The following PDPK1 variants were observed in gnomAD, a reference collection of about 807,000 sequenced individuals.
PDPK1 encodes 3-phosphoinositide dependent protein kinase 1.
PDPK1 carries 7 observed loss-of-function variants against 39.8 expected under a neutral mutation model. That is an observed-to-expected ratio of 0.18 (90% confidence interval 0.10 to 0.33). PDPK1 has a LOEUF of 0.33. Ranked by LOEUF, PDPK1 falls within the 10% of genes least tolerant of loss-of-function variation. The pLI is 1.00. For missense variants in PDPK1, 182 were observed against 384.7 expected, an observed-to-expected ratio of 0.47 and a Z score of 4.41; for synonymous variants, 118 against 159.1, an observed-to-expected ratio of 0.74 and a Z score of 1.95.
intron 11 of PDPK1, among the ~76,000 whole-genome samples, chr16:2,592,226 G>A (rs1336046057): frequency 6.6e-6 from 1 of 152,202 alleles, no homozygotes; most frequent in African/African-American, 2.4e-5. Flanking sequence ...CGGGAAAGGG[G>A]GTTTTCTATG....
Position 2,601,421 on chromosome 16 carries a change from T to C in PDPK1, c.*3654T>C. The stretch of plus-strand genomic sequence containing the variant: ...TTGCAAGAACCTGGCTCTGCCTGCA[T>C]GTCAGCTCTCTGCCCTCCCTGCTGC... On this transcript the variant is annotated 3_prime_UTR_variant, in exon 14 of 14. Coordinates refer to ENST00000342085, the MANE Select transcript of PDPK1 (RefSeq NM_002613.5). 4.3e-6 allele frequency: 1 copy of C among 234,686 alleles called. No homozygotes were observed. The highest frequency in any genetic ancestry group is 6.0e-5 in the East Asian group (1 of 16,582). 14.5% of individuals were successfully genotyped at this position (234,686 alleles called of 1,614,324 possible).
chr16:2,592,257 CT>C (rs1268634203), intron 11 of PDPK1, among the ~76,000 whole-genome samples: 2 of 152,180 alleles, frequency 1.3e-5, no homozygotes, highest in Non-Finnish European at 2.9e-5. Context: ...GTGGATTGCC[CT>C]GCATCCTCCT....
At position 2,598,390 on chromosome 16, in the gene PDPK1, C is replaced by T. The variant is rs1274957286; in HGVS notation, c.*623C>T. ...CTCTGGTGGCAGCTTTCTGTGGCCC[C>T]TGCTGTGTTGGCAGGCAGGTTTGCG... On this transcript the variant is annotated 3_prime_UTR_variant, in exon 14 of 14. Coordinates refer to ENST00000342085, the MANE Select transcript of PDPK1 (RefSeq NM_002613.5). The T allele has an allele frequency of 2.1e-5, 5 of 234,286 alleles. No individual in the cohort carries two copies. The highest frequency in any genetic ancestry group is 5.6e-5 in the Admixed American group (1 of 17,814). 14.5% of individuals were successfully genotyped at this position (234,286 alleles called of 1,614,324 possible). A position where few individuals can be genotyped will look rare whatever the true frequency, so the allele number is the denominator to read the frequency against.
At chr16:2,546,276 G>T (rs1441607086) in intron 1 of PDPK1, among the ~76,000 whole-genome samples, 3 of 151,632 alleles carry the variant, frequency 2.0e-5, no homozygotes, top group Non-Finnish European at 4.4e-5. Flanking sequence ...TAGAGACGGG[G>T]TTTCACCATC....
chr16:2,586,751 G>C lies in PDPK1; in HGVS notation c.1201G>C (p.Asp401His). The stretch of plus-strand genomic sequence containing the variant: ...CTCCTCACACTCCCTGTCAGCCTCC[G>C]ACACGGGCCTGCCCCAGAGGTCAGG... ...SSSSHSLSAS[D>H]TGLPQRSGSN... The change falls in exon 11 of 14, where the codon GAC (aspartate) becomes CAC (histidine). Residue 401 changes from aspartate to histidine, a missense_variant. This residue lies in a region of PDPK1 where 90 missense variants were observed against 111.9 expected (regional missense o/e 0.80). Coordinates refer to ENST00000342085, the MANE Select transcript of PDPK1 (RefSeq NM_002613.5). 1 of 1,614,180 alleles carries C rather than the reference G, an allele frequency of 6.2e-7. No homozygotes were observed. The highest frequency in any genetic ancestry group is 8.5e-7 in the Non-Finnish European group (1 of 1,180,030).
intron 1 of PDPK1, among the ~76,000 whole-genome samples, chr16:2,544,303 C>A (rs1387146096): frequency 1.3e-5 from 2 of 152,074 alleles, no homozygotes; most frequent in Admixed American, 6.6e-5. Context: ...GAGGGAGGTT[C>A]CCACAGAAAT....
chr16:2,596,033 G>A (rs1430835843), intron 12 of PDPK1, among the ~76,000 whole-genome samples, 183 bp downstream of exon 12: 1 of 152,208 alleles, frequency 6.6e-6, no homozygotes, highest in East Asian at 1.9e-4. Flanking sequence ...GGAGCCACAC[G>A]CGTAGGCGGT....
chr16:2,580,153 TA>T lies in PDPK1; in HGVS notation c.786-1140del, dbSNP rs1340043725. ...CAGTTTTGAGCCCTGCATGATTATA[TA>T]ATGGGCGCTTCCCCAGGTCATTGGA... On this transcript the variant is annotated intron_variant, in intron 7 of 13. Transcript: ENST00000342085. 1.4e-5 allele frequency among the ~76,000 whole-genome samples: 2 copies of T among 146,814 alleles called. 1 individual carries two copies. Among genetic ancestry groups the T allele is most frequent in the Non-Finnish European group, 3.0e-5 (2 of 66,786 alleles).
intron 1 of PDPK1, among the ~76,000 whole-genome samples, chr16:2,551,908 C>T (rs1310363240): frequency 6.6e-6 from 1 of 151,372 alleles, no homozygotes; most frequent in Non-Finnish European, 1.5e-5. Flanking sequence ...TCAGATGATG[C>T]GCCTGCCTCG....
At chr16:2,592,858 C>T in intron 11 of PDPK1, 1 of 456,576 alleles carries the variant, frequency 2.2e-6, no homozygotes, top group East Asian at 7.0e-5. Flanking sequence ...ATTTCATTGT[C>T]TCTCTCAGGG....
chr16:2,553,160 C>T (rs1415865684), intron 1 of PDPK1, among the ~76,000 whole-genome samples: 1 of 130,914 alleles, frequency 7.6e-6, no homozygotes, highest in Non-Finnish European at 1.6e-5. Context: ...TTGTGAGGAG[C>T]TTTTTTTTTT....
chr16:2,594,746 C>T (rs893198348), intron 11 of PDPK1, among the ~76,000 whole-genome samples: 22 of 152,006 alleles, frequency 1.4e-4, no homozygotes, highest in Non-Finnish European at 2.6e-4. Flanking sequence ...TTTGGGAGGC[C>T]GAGGCAGGCG....
At position 2,598,837 on chromosome 16, in the gene PDPK1, C is replaced by G. The variant is rs1597081382; in HGVS notation, c.*1070C>G. On this transcript the variant is annotated 3_prime_UTR_variant, in exon 14 of 14. Transcript: ENST00000342085. ...CCAGGGAGTGCAGACACCACCGTCACACACGCCCCTTTTGTGTTTTGGTTC... is the reference window on the plus strand; with the variant it reads ...CCAGGGAGTGCAGACACCACCGTCAGACACGCCCCTTTTGTGTTTTGGTTC... The G allele has an allele frequency of 8.6e-6, 2 of 233,384 alleles. No individual in the cohort carries two copies. Among genetic ancestry groups the G allele is most frequent in the East Asian group, 1.2e-4 (2 of 16,594 alleles). 14.5% of individuals were successfully genotyped at this position (233,384 alleles called of 1,614,324 possible). A position where few individuals can be genotyped will look rare whatever the true frequency, so the allele number is the denominator to read the frequency against.
At position 2,586,782 on chromosome 16, in the gene PDPK1, A is replaced by G. The variant is rs149931764; in HGVS notation, c.1232A>G (p.Asn411Ser). ...DTGLPQRSGS[N>S]IEQYIHDLDS... ...GGCCTGCCCCAGAGGTCAGGCAGCA[A>G]CATAGAGCAGTACATTCACGATCTG... is the stretch of plus-strand genomic sequence containing the variant. The change falls in exon 11 of 14, where the codon AAC becomes AGC. Residue 411 changes from asparagine to serine, a missense_variant. Physicochemically the swap from Asn to Ser is conservative, Grantham distance 46. This residue lies in a region of PDPK1 where 90 missense variants were observed against 111.9 expected (regional missense o/e 0.80). Coordinates refer to ENST00000342085, the MANE Select transcript of PDPK1 (RefSeq NM_002613.5). 2.1e-5 allele frequency: 34 copies of G among 1,614,140 alleles called. No individual in the cohort carries two copies. In the African/African-American group the frequency reaches 3.7e-4, roughly 18 times the overall value.
chr16:2,588,974 TGAGA>T (rs1206899109), intron 11 of PDPK1, among the ~76,000 whole-genome samples: 1 of 152,168 alleles, frequency 6.6e-6, no homozygotes, highest in African/African-American at 2.4e-5. Flanking sequence ...GTTTTTTAAA[TGAGA>T]GAGAGTCTTG....
intron 6 of PDPK1, chr16:2,576,177 C>T (rs1218474384): frequency 2.2e-5 from 3 of 138,084 alleles, no homozygotes; most frequent in African/African-American, 9.4e-5. Context: ...CCCCCAGAAG[C>T]GACGCCATTT....
intron 1 of PDPK1, among the ~76,000 whole-genome samples, chr16:2,546,650 C>T (rs1220183811): frequency 6.6e-6 from 1 of 152,164 alleles, no homozygotes; most frequent in African/African-American, 2.4e-5. Context: ...GCCCTTCTAA[C>T]CTTAAGCTGC....
In PDPK1 at chr16:2,601,608, A is replaced by C. The variant is rs367757589; in HGVS notation, c.*3841A>C. 237 of 234,206 alleles carry C rather than the reference A, an allele frequency of 1.0e-3. 3 individuals are homozygous for C. The highest frequency in any genetic ancestry group is 4.8e-3 in the African/African-American group (218 of 45,420). 14.5% of individuals were successfully genotyped at this position (234,206 alleles called of 1,614,324 possible). A position where few individuals can be genotyped will look rare whatever the true frequency, so the allele number is the denominator to read the frequency against. The stretch of plus-strand genomic sequence containing the variant: ...TTATAGACTCAGAAGGTATATTAGG[A>C]CATTTGGAATCAGTAGCAGAGCAAA... On this transcript the variant is annotated 3_prime_UTR_variant, in exon 14 of 14. Transcript: ENST00000342085.
intron 1 of PDPK1, among the ~76,000 whole-genome samples, chr16:2,541,795 A>G (rs1316939169): frequency 6.6e-6 from 1 of 152,196 alleles, no homozygotes; most frequent in Non-Finnish European, 1.5e-5. Context: ...TCACTTGCTC[A>G]GTGTGATACC....
Sources: gnomAD v4.1 joint callset for allele counts (sites outside exome capture counted in the v4.1 genomes callset) on GRCh38, gnomAD v4.1.1 for gene constraint, gnomAD v4.1.1 regional missense constraint, MANE v1.5 for transcripts, NCBI Gene and HGNC (gene_info 2026-07-23, HGNC 2026-07-21) for gene names.